Variants in ZNF385D observed in about 807,000 individuals in gnomAD.
ZNF385D encodes the protein zinc finger protein 659.
ZNF385D carries 15 observed loss-of-function variants against 35.8 expected under a neutral mutation model. That is an observed-to-expected ratio of 0.42 (90% CI 0.28 to 0.64). The LOEUF is 0.64. Ranked by LOEUF, ZNF385D falls within the 30% of genes least tolerant of loss-of-function variation. The pLI, the probability that ZNF385D is intolerant of heterozygous loss-of-function variation, is 0.23. For synonymous variants in ZNF385D, 212 were observed against 186.8 expected (o/e 1.13, Z -1.10); for missense variants, 474 against 494.6 (o/e 0.96, Z 0.39).
At chr3:21,876,861 T>G (rs1391035630) in intron 3 of ZNF385D, among the ~76,000 whole-genome samples, 3 of 152,142 alleles carry the variant, frequency 2.0e-5, no homozygotes, top group Non-Finnish European at 4.4e-5. Context: ...TTTCTTTCTC[T>G]AATTGCTTTC....
intron 3 of ZNF385D, among the ~76,000 whole-genome samples, chr3:21,957,862 A>C (rs1178135624): frequency 6.6e-6 from 1 of 152,074 alleles, no homozygotes; most frequent in African/African-American, 2.4e-5. Flanking sequence ...ACCACCATTC[A>C]TCTACTAGTA....
chr3:21,972,801 T>C (rs983984530), intron 3 of ZNF385D, among the ~76,000 whole-genome samples: 1 of 151,894 alleles, frequency 6.6e-6, no homozygotes, highest in Admixed American at 6.6e-5. Flanking sequence ...TGAGCAACTA[T>C]ATGCCAATAA....
At chr3:22,078,187 C>G (rs905556452) in intron 3 of ZNF385D, among the ~76,000 whole-genome samples, 1 of 151,618 alleles carries the variant, frequency 6.6e-6, no homozygotes, top group Non-Finnish European at 1.5e-5. Flanking sequence ...AAATGTTTAA[C>G]AAACACCTTT....
At chr3:21,441,906 T>C (rs779837577) in intron 4 of ZNF385D, among the ~76,000 whole-genome samples, 5 of 152,062 alleles carry the variant, frequency 3.3e-5, no homozygotes, top group Non-Finnish European at 5.9e-5. Context: ...AGATTTGAGA[T>C]GGTTTGGGCT....
chr3:21,567,478 C>G (rs545946881), intron 2 of ZNF385D, among the ~76,000 whole-genome samples: 1 of 152,122 alleles, frequency 6.6e-6, no homozygotes, highest in Non-Finnish European at 1.5e-5. Flanking sequence ...GCTTCAATAG[C>G]CCTCATTCTG....
At chr3:22,209,680 C>A (rs920635825) in intron 2 of ZNF385D, among the ~76,000 whole-genome samples, 1 of 151,680 alleles carries the variant, frequency 6.6e-6, no homozygotes, top group Non-Finnish European at 1.5e-5. Context: ...GCTTTAACAA[C>A]AAATCATTAC....
At position 22,313,671 on chromosome 3, in the gene ZNF385D, G is replaced by A. The variant is rs182183157; in HGVS notation, c.106+58779C>T. On this transcript the variant is annotated intron_variant, in intron 2 of 5. Transcript: ENST00000494108. ...ATAACCCAAAGGTAAAACAGATGAT[G>A]AGTAGCAGGAAATCATCTATAAAGA... Among the ~76,000 whole-genome samples, 722 of 152,264 alleles carry A rather than the reference G, an allele frequency of 4.7e-3. 11 individuals are homozygous for A. The South Asian group carries it at 0.049, about 10-fold the overall frequency.
chr3:22,168,329 C>G (rs1706468283), intron 3 of ZNF385D, among the ~76,000 whole-genome samples: 1 of 152,038 alleles, frequency 6.6e-6, no homozygotes, highest in Admixed American at 6.6e-5. Flanking sequence ...ATTAAATAAA[C>G]CATAAATTTT....
chr3:21,502,455 T>A (rs1198027819), intron 4 of ZNF385D, among the ~76,000 whole-genome samples: 1 of 152,200 alleles, frequency 6.6e-6, no homozygotes, highest in Non-Finnish European at 1.5e-5. Context: ...AGGAATCCAG[T>A]TGTTCTAAAA....
chr3:21,522,156 T>C (rs1159330249), intron 3 of ZNF385D, among the ~76,000 whole-genome samples: 1 of 152,028 alleles, frequency 6.6e-6, no homozygotes, highest in Non-Finnish European at 1.5e-5. Context: ...AAGAAAAAAA[T>C]GTTTTTAATA....
chr3:22,010,726 C>G (rs1404510794), intron 3 of ZNF385D, among the ~76,000 whole-genome samples: 5 of 152,154 alleles, frequency 3.3e-5, no homozygotes, highest in African/African-American at 1.2e-4. Flanking sequence ...ACCAGGTGAA[C>G]TTTTTCCAGA....
At position 21,748,716 on chromosome 3, in the gene ZNF385D, T is replaced by C. The variant is rs193135746; in HGVS notation, c.22+2179A>G. On this transcript the variant is annotated intron_variant, in intron 1 of 7. Transcript: ENST00000281523. ...CCAACCAATTTGCAAAGTGAAAGCA[T>C]TGCTTGGAAAAATTACCTGAAATCG... Among the ~76,000 whole-genome samples, 218 of 152,292 alleles carry C rather than the reference T, an allele frequency of 1.4e-3. 1 individual carries two copies. The highest frequency in any genetic ancestry group is 4.9e-3 in the African/African-American group (204 of 41,562).
intron 4 of ZNF385D, among the ~76,000 whole-genome samples, chr3:21,478,769 T>C (rs969756189): frequency 1.3e-5 from 2 of 152,142 alleles, no homozygotes; most frequent in Non-Finnish European, 2.9e-5. Context: ...TATTCAAGTT[T>C]ATGACTATCT....
chr3:21,827,065 G>C (rs879455232), intron 3 of ZNF385D, among the ~76,000 whole-genome samples: 1 of 152,152 alleles, frequency 6.6e-6, no homozygotes, highest in Non-Finnish European at 1.5e-5. Flanking sequence ...GGCAAAAGTG[G>C]AGAGTCTAAT....
chr3:22,177,498 G>T (rs146689915), intron 2 of ZNF385D, among the ~76,000 whole-genome samples: 1 of 152,134 alleles, frequency 6.6e-6, no homozygotes, highest in Non-Finnish European at 1.5e-5. Context: ...AGCCACTTAG[G>T]ATATTTGTAC....
chr3:21,543,303 G>C (rs2062246144), intron 3 of ZNF385D, among the ~76,000 whole-genome samples: 1 of 152,164 alleles, frequency 6.6e-6, no homozygotes. Flanking sequence ...CGACAAGAGC[G>C]GGACTATCTC....
At chr3:21,591,267 A>AT (rs997902871) in intron 2 of ZNF385D, among the ~76,000 whole-genome samples, 158 of 149,962 alleles carry the variant, frequency 1.1e-3, no homozygotes, top group Middle Eastern at 3.4e-3. Context: ...CCATATTATA[A>AT]TTTTTTTTTT....
chr3:21,518,433 C>A (rs1024383785), intron 3 of ZNF385D, among the ~76,000 whole-genome samples: 1 of 152,092 alleles, frequency 6.6e-6, no homozygotes, highest in Non-Finnish European at 1.5e-5. Flanking sequence ...CAGGACAATT[C>A]CTGATCTCAT....
intron 1 of ZNF385D, among the ~76,000 whole-genome samples, chr3:21,699,063 C>T (rs1471127407): frequency 6.6e-6 from 1 of 152,042 alleles, no homozygotes; most frequent in African/African-American, 2.4e-5. Context: ...GCACTGTTCA[C>T]AATAGCAAAG....
Sources: allele counts gnomAD v4.1 joint callset (sites outside exome capture counted in the v4.1 genomes callset), GRCh38; gene constraint gnomAD v4.1.1; transcripts MANE v1.5; gene names NCBI Gene and HGNC (gene_info 2026-07-23, HGNC 2026-07-21).